The following SLAIN2 variants were observed in gnomAD, a reference collection of about 807,000 sequenced individuals.
SLAIN2 encodes the protein SLAIN family member 2, also known as SLAIN motif-containing protein 2.
SLAIN2 carries 31 observed loss-of-function variants against 56.6 expected under a neutral mutation model. The observed-to-expected ratio is 0.55, with a 90% CI of 0.41 to 0.74. The LOEUF is 0.74. SLAIN2 is among the 30% of genes least tolerant of loss of function. The pLI is 0.00. For synonymous variants in SLAIN2, 317 were observed against 284.9 expected (o/e 1.11, Z -1.13); for missense variants, 777 against 754.2 (o/e 1.03, Z -0.35).
chr4:48,397,451 G>A (rs1317482892), intron 6 of SLAIN2, among the ~76,000 whole-genome samples: 4 of 152,118 alleles, frequency 2.6e-5, no homozygotes, highest in Admixed American at 2.0e-4. Context: ...TTTGAGATAC[G>A]TTGAAATAAA....
intron 6 of SLAIN2, among the ~76,000 whole-genome samples, chr4:48,403,398 G>A (rs1227928806): frequency 1.3e-5 from 2 of 152,182 alleles, no homozygotes; most frequent in East Asian, 3.9e-4. Flanking sequence ...AACCCTGGCT[G>A]GAGTTGCTGA....
Position 48,423,061 on chromosome 4 carries a change from A to T in SLAIN2, c.*984A>T, listed in dbSNP as rs1053577886. The T allele has an allele frequency of 1.3e-5, 2 of 152,180 alleles. No individual in the cohort carries two copies. The highest frequency in any genetic ancestry group is 2.9e-5 in the Non-Finnish European group (2 of 68,042). The allele number at this position is 152,180 out of a possible 1,614,324, so 9.4% of individuals were successfully genotyped here. On this transcript the variant is annotated 3_prime_UTR_variant, in exon 8 of 8. Coordinates refer to ENST00000264313, the MANE Select transcript of SLAIN2 (RefSeq NM_020846.2). ...CATACCATGAGAGAGAGGGGGAAAA[A>T]AATCTATGCACTTAACCTACAAAAT...
At chr4:48,362,092 C>T (rs972534621) in intron 1 of SLAIN2, among the ~76,000 whole-genome samples, 3 of 149,942 alleles carry the variant, frequency 2.0e-5, no homozygotes, top group African/African-American at 7.3e-5. Flanking sequence ...AGGATCATGT[C>T]TGCGATTAAA....
chr4:48,351,558 C>T (rs1358512429), intron 1 of SLAIN2, among the ~76,000 whole-genome samples: 1 of 152,108 alleles, frequency 6.6e-6, no homozygotes, highest in Non-Finnish European at 1.5e-5. Context: ...TCCTAGAAAC[C>T]TGAATCTAGA....
intron 6 of SLAIN2, among the ~76,000 whole-genome samples, chr4:48,405,870 T>C (rs1716680810): frequency 6.6e-6 from 1 of 152,218 alleles, no homozygotes; most frequent in Admixed American, 6.5e-5. Context: ...TCTTTCCCTT[T>C]ATTTACTAGT....
chr4:48,384,170 C>G (rs909557577), intron 6 of SLAIN2, among the ~76,000 whole-genome samples: 29 of 152,176 alleles, frequency 1.9e-4, no homozygotes, highest in African/African-American at 7.0e-4. Context: ...ATAACCTCCA[C>G]TTTAAAAATA....
intron 1 of SLAIN2, among the ~76,000 whole-genome samples, chr4:48,350,642 C>G (rs1714986809): frequency 6.6e-6 from 1 of 152,148 alleles, no homozygotes; most frequent in Admixed American, 6.5e-5. Context: ...TATTTCACCT[C>G]TTTCATTTAC....
At chr4:48,384,148 AAATTT>A (rs1298788066) in intron 6 of SLAIN2, among the ~76,000 whole-genome samples, 2 of 152,196 alleles carry the variant, frequency 1.3e-5, no homozygotes, top group African/African-American at 4.8e-5. Flanking sequence ...CTTAGTACGT[AAATTT>A]TCTTTAATAA....
chr4:48,405,456 C>T (rs1716668857), intron 6 of SLAIN2, among the ~76,000 whole-genome samples: 1 of 152,126 alleles, frequency 6.6e-6, no homozygotes, highest in East Asian at 1.9e-4. Flanking sequence ...TTAGAAGAAA[C>T]CACCAGATCA....
intron 2 of SLAIN2, 91 bp downstream of exon 2, chr4:48,370,088 T>A (rs980223968): frequency 1.6e-6 from 2 of 1,288,790 alleles, no homozygotes; most frequent in Non-Finnish European, 1.1e-6. Flanking sequence ...AGGAAGCAAT[T>A]CTTTGGAGCA....
chr4:48,377,881 T>G lies in SLAIN2; in HGVS notation c.539-15T>G, dbSNP rs1352770127. On this transcript the variant is annotated splice_polypyrimidine_tract_variant and intron_variant, in intron 2 of 7. Transcript: ENST00000264313. Reference sequence around the variant, plus strand: ...TCAGTTGTTAAATTTGATTTTCCCCTTCTCATTAATGCAGCTCTCAAGAGG... The same window carrying G: ...TCAGTTGTTAAATTTGATTTTCCCCGTCTCATTAATGCAGCTCTCAAGAGG... 1 of 1,601,034 alleles carries G rather than the reference T, an allele frequency of 6.2e-7. No individual in the cohort carries two copies. Among genetic ancestry groups the G allele is most frequent in the Admixed American group, 1.8e-5 (1 of 56,038 alleles).
intron 5 of SLAIN2, 145 bp downstream of exon 5, chr4:48,383,072 G>A: frequency 1.2e-6 from 1 of 861,030 alleles, no homozygotes; most frequent in East Asian, 2.7e-5. Context: ...AGAGGCTGAG[G>A]CTGGAGGATT....
chr4:48,372,018 A>G (rs1715682443), intron 2 of SLAIN2, among the ~76,000 whole-genome samples: 1 of 147,344 alleles, frequency 6.8e-6, no homozygotes, highest in Admixed American at 6.9e-5. Flanking sequence ...ACACATATAC[A>G]TATATACACA....
intron 6 of SLAIN2, among the ~76,000 whole-genome samples, chr4:48,410,973 C>G (rs1353755709): frequency 6.6e-6 from 1 of 152,192 alleles, no homozygotes; most frequent in Non-Finnish European, 1.5e-5. Context: ...TCTTCCTCCT[C>G]CTCTTCCCTT....
intron 6 of SLAIN2, among the ~76,000 whole-genome samples, chr4:48,405,854 A>G (rs1201615899): frequency 6.6e-6 from 1 of 152,150 alleles, no homozygotes; most frequent in African/African-American, 2.4e-5. Context: ...CAGACCAAAT[A>G]TTTGTTCTTT....
intron 1 of SLAIN2, among the ~76,000 whole-genome samples, chr4:48,355,674 T>C (rs995809765): frequency 1.3e-5 from 2 of 152,256 alleles, no homozygotes. Context: ...TACCTCCTAC[T>C]CTGGCATGTA....
intron 1 of SLAIN2, 60 bp downstream of exon 1, chr4:48,342,188 C>G: frequency 7.5e-7 from 1 of 1,327,624 alleles, no homozygotes; most frequent in Non-Finnish European, 9.6e-7. Context: ...GGAGAGCGTC[C>G]TCTGAGGGTC....
chr4:48,346,430 A>G (rs1373012066), intron 1 of SLAIN2, among the ~76,000 whole-genome samples: 1 of 152,286 alleles, frequency 6.6e-6, no homozygotes, highest in African/African-American at 2.4e-5. Context: ...CTTCAAATTC[A>G]TACTGACTTC....
intron 6 of SLAIN2, among the ~76,000 whole-genome samples, chr4:48,404,158 C>T (rs1365699852): frequency 6.6e-6 from 1 of 152,172 alleles, no homozygotes; most frequent in Non-Finnish European, 1.5e-5. Flanking sequence ...TGAACTCACT[C>T]TTTCTTTCCT....
Sources: allele counts gnomAD v4.1 joint callset (sites outside exome capture counted in the v4.1 genomes callset), GRCh38; gene constraint gnomAD v4.1.1; transcripts MANE v1.5; gene names NCBI Gene and HGNC (gene_info 2026-07-23, HGNC 2026-07-21).